Variants in NLGN1 observed in about 807,000 individuals in gnomAD.
NLGN1 encodes the protein neuroligin-1.
A neutral mutation model predicts 65.5 loss-of-function variants in NLGN1; 12 were observed. The observed-to-expected ratio is 0.18, with a 90% confidence interval of 0.12 to 0.30. The LOEUF (loss-of-function observed/expected upper bound fraction) is 0.30, where lower values mean the gene tolerates loss of function less well. NLGN1 is among the 10% of genes least tolerant of loss of function. The pLI, the probability that NLGN1 is intolerant of heterozygous loss-of-function variation, is 1.00. For missense variants in NLGN1, 750 were observed against 1,007.1 expected, an observed-to-expected ratio of 0.74 and a Z score of 3.46; for synonymous variants, 350 against 359.5, an observed-to-expected ratio of 0.97 and a Z score of 0.30.
chr3:174,026,604 A>G (rs73880316), intron 4 of NLGN1, among the ~76,000 whole-genome samples: 4,718 of 152,320 alleles, frequency 0.031, 255 homozygotes, highest in African/African-American at 0.11. Context: ...AACTCAGAAC[A>G]TATATCAAGC....
At chr3:173,687,098 G>A (rs1325471429) in intron 3 of NLGN1, among the ~76,000 whole-genome samples, 1 of 152,178 alleles carries the variant, frequency 6.6e-6, no homozygotes, top group Admixed American at 6.5e-5. Context: ...GTTGGGTTTT[G>A]CTGTGCTTGT....
At chr3:174,204,933 G>A (rs1392102222) in intron 4 of NLGN1, among the ~76,000 whole-genome samples, 1 of 152,082 alleles carries the variant, frequency 6.6e-6, no homozygotes, top group African/African-American at 2.4e-5. Flanking sequence ...GCTTATTAAA[G>A]AAGGATTTAA....
At chr3:173,644,139 C>T (rs1577701658) in intron 3 of NLGN1, 2 of 152,286 alleles carry the variant, frequency 1.3e-5, no homozygotes, top group Admixed American at 1.3e-4. Flanking sequence ...AGAGAGGGGC[C>T]AATGTCCACT....
chr3:173,506,685 A>G (rs1021554314), intron 2 of NLGN1, among the ~76,000 whole-genome samples: 1 of 152,096 alleles, frequency 6.6e-6, no homozygotes, highest in African/African-American at 2.4e-5. Flanking sequence ...TGTTAACAGT[A>G]TTACTGGTTC....
At chr3:173,865,694 C>T (rs1339795901) in intron 4 of NLGN1, among the ~76,000 whole-genome samples, 5 of 152,070 alleles carry the variant, frequency 3.3e-5, no homozygotes, top group South Asian at 2.1e-4. Context: ...AATCATAGAG[C>T]TTTGATATTT....
chr3:173,976,090 A>G (rs1216450582), intron 4 of NLGN1, among the ~76,000 whole-genome samples: 1 of 152,074 alleles, frequency 6.6e-6, no homozygotes, highest in East Asian at 1.9e-4. Context: ...TGTGGAGATA[A>G]CATAAATATT....
intron 3 of NLGN1, among the ~76,000 whole-genome samples, chr3:173,758,965 T>G (rs1403354153): frequency 6.6e-6 from 1 of 151,888 alleles, no homozygotes; most frequent in Non-Finnish European, 1.5e-5. Flanking sequence ...TCTCCTAATT[T>G]TATTGCCTTT....
At chr3:173,728,285 A>G (rs1309572656) in intron 3 of NLGN1, among the ~76,000 whole-genome samples, 1 of 152,164 alleles carries the variant, frequency 6.6e-6, no homozygotes, top group Non-Finnish European at 1.5e-5. Flanking sequence ...CCTAAGAAAC[A>G]TAAAAACAAA....
intron 4 of NLGN1, among the ~76,000 whole-genome samples, chr3:174,238,792 C>T (rs1742232459): frequency 6.6e-6 from 1 of 152,098 alleles, no homozygotes; most frequent in Admixed American, 6.5e-5. Context: ...TATTTGTTTT[C>T]CAATTCTTGT....
At position 173,906,074 on chromosome 3, in the gene NLGN1, A is replaced by T. The variant is rs1201188713; in HGVS notation, c.646+98242A>T. 3.9e-5 allele frequency among the ~76,000 whole-genome samples: 6 copies of T among 152,232 alleles called. No individual in the cohort carries two copies. The East Asian group carries it at 1.2e-3, about 29-fold the overall frequency. The stretch of plus-strand genomic sequence containing the variant: ...ATAAATTCTCTTTAATTTCAAGGGG[A>T]AAGAGAACCACTATTTATTCACTGT... On this transcript the variant is annotated intron_variant, in intron 4 of 6. Transcript: ENST00000457714.
intron 4 of NLGN1, among the ~76,000 whole-genome samples, chr3:174,250,990 C>T (rs1343756199): frequency 1.4e-5 from 2 of 147,202 alleles, no homozygotes; most frequent in South Asian, 2.1e-4. Flanking sequence ...GATTGTCAAA[C>T]GTGCACCTAT....
intron 3 of NLGN1, among the ~76,000 whole-genome samples, chr3:173,765,497 C>T (rs994239624): frequency 1.4e-4 from 21 of 152,152 alleles, no homozygotes; most frequent in African/African-American, 5.1e-4. Context: ...CCTTGTCTTT[C>T]TGTTTTGAAA....
At chr3:173,398,867 A>G (rs1442717513) in intron 1 of NLGN1, among the ~76,000 whole-genome samples, 1 of 152,216 alleles carries the variant, frequency 6.6e-6, no homozygotes, top group Admixed American at 6.5e-5. Flanking sequence ...TGAAAATTAC[A>G]GGGTCTTAAT....
intron 4 of NLGN1, among the ~76,000 whole-genome samples, chr3:174,261,038 A>G (rs1436253152): frequency 4.6e-5 from 7 of 151,868 alleles, no homozygotes; most frequent in Non-Finnish European, 8.8e-5. Context: ...TGTTCCATTG[A>G]TCTATATCTC....
chr3:173,675,168 A>C (rs1487885159), intron 3 of NLGN1, among the ~76,000 whole-genome samples: 1 of 152,172 alleles, frequency 6.6e-6, no homozygotes, highest in African/African-American at 2.4e-5. Context: ...GCAGAAAGGA[A>C]AAAAATCTTT....
intron 4 of NLGN1, among the ~76,000 whole-genome samples, chr3:173,838,229 AG>A (rs1724047210): frequency 1.3e-5 from 2 of 151,524 alleles, no homozygotes; most frequent in Admixed American, 1.3e-4. Flanking sequence ...AAAAAAAAAA[AG>A]GTTTTATAAT....
intron 4 of NLGN1, among the ~76,000 whole-genome samples, chr3:174,065,505 C>T (rs926990180): frequency 3.3e-5 from 5 of 151,982 alleles, no homozygotes; most frequent in Admixed American, 2.0e-4. Flanking sequence ...ATAATTCAAG[C>T]GTGATTTAAA....
intron 3 of NLGN1, among the ~76,000 whole-genome samples, chr3:173,774,508 G>A (rs2150283989): frequency 6.6e-6 from 1 of 152,224 alleles, no homozygotes; most frequent in South Asian, 2.1e-4. Flanking sequence ...TGGAGAATAT[G>A]CAGAGGATTC....
chr3:173,971,939 G>T (rs1198558526), intron 4 of NLGN1, among the ~76,000 whole-genome samples: 1 of 151,906 alleles, frequency 6.6e-6, no homozygotes, highest in African/African-American at 2.4e-5. Context: ...ATGAGATAAA[G>T]AAGACTATGG....
Sources: gnomAD v4.1 joint callset for allele counts (sites outside exome capture counted in the v4.1 genomes callset) on GRCh38, gnomAD v4.1.1 for gene constraint, MANE v1.5 for transcripts, NCBI Gene and HGNC (gene_info 2026-07-23, HGNC 2026-07-21) for gene names.